The following PCDH15 variants were observed in gnomAD, a reference collection of about 807,000 sequenced individuals.
PCDH15 encodes protocadherin related 15.
PCDH15 carries 129 observed loss-of-function variants against 178.5 expected under a neutral mutation model. That is an observed-to-expected ratio of 0.72 (90% CI 0.63 to 0.84). PCDH15 has a LOEUF of 0.84. Ranked by LOEUF, PCDH15 falls within the 40% of genes least tolerant of loss-of-function variation. PCDH15 has a pLI of 0.00. For synonymous variants in PCDH15, 800 were observed against 732.0 expected (o/e 1.09, Z -1.50); for missense variants, 2,230 against 2,099.9 (o/e 1.06, Z -1.21).
chr10:55,237,846 A>C lies in PCDH15; in HGVS notation c.-155-71195T>G, dbSNP rs1399910543. 2.0e-5 allele frequency among the ~76,000 whole-genome samples: 3 copies of C among 152,150 alleles called. No individual in the cohort carries two copies. The South Asian group carries it at 6.2e-4, about 31-fold the overall frequency. ...TTGGAATTCAAAAAAAAAATGGAAC[A>C]TAACAACACATTATATAAACTATTT... On this transcript the variant is annotated intron_variant, in intron 1 of 5. Coordinates refer to the PCDH15 transcript ENST00000458638.
chr10:54,329,671 C>A lies in PCDH15; in HGVS notation c.630G>T (p.Leu210Phe), dbSNP rs1410957526. The A allele has an allele frequency of 5.6e-6, 9 of 1,607,858 alleles. No individual in the cohort carries two copies. The East Asian group carries it at 2.0e-4, about 36-fold the overall frequency. Residue 210 changes from leucine to phenylalanine, a missense_variant, in exon 7 of 38, where the codon TTG becomes TTT. Coordinates refer to ENST00000644397, the MANE Select transcript of PCDH15 (RefSeq NM_001384140.1). ...TCTTCCTTAACACTATATTTCCAGTCAACATTAGGGGAATTTCAAAGGTGT... is the reference window on the plus strand; with the variant it reads ...TCTTCCTTAACACTATATTTCCAGTAAACATTAGGGGAATTTCAAAGGTGT... ...SNDTFEIPLM[L>F]TGNIVLRKRL...
At chr10:54,078,450 G>A (rs150367064) in intron 17 of PCDH15, among the ~76,000 whole-genome samples, 341 of 151,876 alleles carry the variant, frequency 2.2e-3, no homozygotes, top group African/African-American at 7.7e-3. Flanking sequence ...AGCCAATGTA[G>A]TATATAGATT....
intron 2 of PCDH15, among the ~76,000 whole-genome samples, chr10:55,464,725 T>C (rs1319605420): frequency 1.3e-5 from 2 of 148,454 alleles, no homozygotes; most frequent in Non-Finnish European, 3.0e-5. Flanking sequence ...TATGTGTGTG[T>C]ATATATATAT....
intron 31 of PCDH15, among the ~76,000 whole-genome samples, chr10:53,827,926 T>TTTA (rs994532751): frequency 1.6e-4 from 25 of 152,288 alleles, no homozygotes; most frequent in Middle Eastern, 3.4e-3. Context: ...ATAATTTTTC[T>TTTA]TTATTATTTG....
chr10:54,179,798 T>C (rs1033126339), intron 13 of PCDH15, among the ~76,000 whole-genome samples: 4 of 152,162 alleles, frequency 2.6e-5, no homozygotes, highest in African/African-American at 9.7e-5. Context: ...TCAGGCAGAA[T>C]GCTAATAGTC....
intron 2 of PCDH15, among the ~76,000 whole-genome samples, chr10:54,652,413 A>C (rs555941449): frequency 6.6e-6 from 1 of 152,288 alleles, no homozygotes; most frequent in African/African-American, 2.4e-5. Flanking sequence ...GTCTGATAAA[A>C]GCCATATGCC....
chr10:54,305,635 A>G (rs1016089862), intron 8 of PCDH15, among the ~76,000 whole-genome samples: 1 of 152,192 alleles, frequency 6.6e-6, no homozygotes, highest in African/African-American at 2.4e-5. Flanking sequence ...ATATTAATCA[A>G]TTAAGTGAAT....
Position 53,928,448 on chromosome 10 carries a change from T to G in PCDH15, c.3373+10367A>C, listed in dbSNP as rs558913143. 6.6e-5 allele frequency among the ~76,000 whole-genome samples: 10 copies of G among 152,200 alleles called. 1 individual carries two copies. The highest frequency in any genetic ancestry group is 6.2e-4 in the South Asian group (3 of 4,830). Reference sequence around the variant, plus strand: ...AGTGCAGACCTGACCTTGATTATATTACAACAGAATGGGGATAGCCAATGC... The same window carrying G: ...AGTGCAGACCTGACCTTGATTATATGACAACAGAATGGGGATAGCCAATGC... On this transcript the variant is annotated intron_variant, in intron 25 of 37. Coordinates refer to ENST00000644397, the MANE Select transcript of PCDH15 (RefSeq NM_001384140.1).
intron 2 of PCDH15, among the ~76,000 whole-genome samples, chr10:55,395,078 T>G (rs2132017985): frequency 6.6e-6 from 1 of 151,786 alleles, no homozygotes; most frequent in Non-Finnish European, 1.5e-5. Context: ...TTGAAAAAAA[T>G]GATTATCAAA....
At chr10:55,576,996 C>T (rs1015814697) in intron 2 of PCDH15, among the ~76,000 whole-genome samples, 12 of 152,138 alleles carry the variant, frequency 7.9e-5, no homozygotes, top group African/African-American at 2.7e-4. Context: ...GTAATCCCAG[C>T]ACTTTGGGAG....
intron 14 of PCDH15, 120 bp from the exon 15 acceptor site, chr10:54,133,127 AT>A: frequency 1.7e-6 from 2 of 1,195,706 alleles, no homozygotes; most frequent in Non-Finnish European, 2.4e-6. Context: ...TTTATGAAAA[AT>A]AATACAATCA....
At chr10:55,216,120 A>G (rs1840695146) in intron 1 of PCDH15, among the ~76,000 whole-genome samples, 1 of 151,898 alleles carries the variant, frequency 6.6e-6, no homozygotes, top group South Asian at 2.1e-4. Context: ...AGAAAAAAAA[A>G]TGAGGAAGCA....
chr10:55,260,002 ATTTT>A, intron 1 of PCDH15, among the ~76,000 whole-genome samples: 1 of 151,310 alleles, frequency 6.6e-6, no homozygotes, highest in Non-Finnish European at 1.5e-5. Context: ...AAGAAATCAG[ATTTT>A]TGAAAGATGG....
chr10:54,387,675 G>T (rs867843394), intron 3 of PCDH15, among the ~76,000 whole-genome samples: 1 of 152,162 alleles, frequency 6.6e-6, no homozygotes, highest in African/African-American at 2.4e-5. Flanking sequence ...CATTATGCTT[G>T]CTTCCTTGCC....
chr10:54,670,784 G>A (rs1319790841), intron 1 of PCDH15, among the ~76,000 whole-genome samples: 1 of 151,812 alleles, frequency 6.6e-6, no homozygotes, highest in East Asian at 1.9e-4. Flanking sequence ...TTTATATTTA[G>A]TGCATATCAG....
intron 1 of PCDH15, among the ~76,000 whole-genome samples, chr10:55,270,059 T>C (rs1842401320): frequency 6.6e-6 from 1 of 152,178 alleles, no homozygotes; most frequent in South Asian, 2.1e-4. Context: ...TAAATGGTCC[T>C]GGGTTATAAC....
chr10:54,601,846 C>A (rs1213116768), intron 2 of PCDH15, among the ~76,000 whole-genome samples: 1 of 151,874 alleles, frequency 6.6e-6, no homozygotes, highest in Non-Finnish European at 1.5e-5. Flanking sequence ...AGCAAGAGAC[C>A]ATTATTCTAT....
chr10:53,868,103 T>C (rs569378531), intron 26 of PCDH15, among the ~76,000 whole-genome samples: 2 of 152,158 alleles, frequency 1.3e-5, no homozygotes, highest in South Asian at 4.1e-4. Context: ...CATTTCATAG[T>C]GAAATACTTG....
chr10:55,324,927 A>T (rs1298759118), intron 2 of PCDH15, among the ~76,000 whole-genome samples: 1 of 152,188 alleles, frequency 6.6e-6, no homozygotes, highest in South Asian at 2.1e-4. Context: ...TACACCAAGA[A>T]TATCCAACCT....
Sources: allele counts gnomAD v4.1 joint callset (sites outside exome capture counted in the v4.1 genomes callset), GRCh38; gene constraint gnomAD v4.1.1; transcripts MANE v1.5; gene names NCBI Gene and HGNC (gene_info 2026-07-23, HGNC 2026-07-21).